The following EPSTI1 variants were observed in gnomAD, a reference collection of about 807,000 sequenced individuals.
EPSTI1 encodes the protein epithelial-stromal interaction protein 1.
In EPSTI1, 66 loss-of-function variants were observed where a neutral mutation model predicts 49.9. The observed-to-expected ratio is 1.32, with a 90% CI of 1.08 to 1.62. EPSTI1 has a LOEUF of 1.62. Ranked by LOEUF, EPSTI1 falls within the 40% of genes most tolerant of loss-of-function variation. The pLI is 0.00. For missense variants in EPSTI1, 394 were observed against 365.5 expected (o/e 1.08, Z -0.64); for synonymous variants, 137 against 130.7 (o/e 1.05, Z -0.33).
chr13:42,904,168 C>T (rs1381231975), intron 8 of EPSTI1, among the ~76,000 whole-genome samples: 1 of 152,138 alleles, frequency 6.6e-6, no homozygotes, highest in Non-Finnish European at 1.5e-5. Context: ...GATTAAAACA[C>T]ACTGATGTGA....
At chr13:42,954,168 T>C in intron 5 of EPSTI1, 147 bp from the exon 6 acceptor site, 1 of 615,006 alleles carries the variant, frequency 1.6e-6, no homozygotes, top group South Asian at 2.3e-5. Flanking sequence ...AAGATGGTAC[T>C]CCCTGTCAGA....
chr13:42,888,398 A>AAAAC lies in EPSTI1; in HGVS notation c.*92_*95dup. The AAAAC allele has an allele frequency of 6.2e-7, 1 of 1,614,178 alleles. No homozygotes were observed. The highest frequency in any genetic ancestry group is 8.5e-7 in the Non-Finnish European group (1 of 1,180,020). ...TGTGTGGGCAGTTGAAATTAAGGTA[A>AAAAC]AAACAGTGAGGCTGAACAAAATCAC... is the stretch of plus-strand genomic sequence containing the variant. On this transcript the variant is annotated 3_prime_UTR_variant, in exon 11 of 11. Transcript: ENST00000313624.
intron 9 of EPSTI1, among the ~76,000 whole-genome samples, chr13:42,896,024 G>T (rs778608198): frequency 2.0e-5 from 3 of 152,160 alleles, no homozygotes; most frequent in Non-Finnish European, 4.4e-5. Flanking sequence ...AGTGACTGTG[G>T]GAGATTAGGG....
At chr13:42,939,547 TAGACAGGGGAATAGCC>T (rs1436996818) in intron 6 of EPSTI1, among the ~76,000 whole-genome samples, 2 of 152,174 alleles carry the variant, frequency 1.3e-5, no homozygotes, top group African/African-American at 4.8e-5. Context: ...GAGAGAGAGA[TAGACAGGGGAATAGCC>T]AGTCAGGGGA....
At chr13:42,889,909 T>C (rs748264339) in intron 10 of EPSTI1, among the ~76,000 whole-genome samples, 4 of 151,928 alleles carry the variant, frequency 2.6e-5, no homozygotes, top group Non-Finnish European at 5.9e-5. Flanking sequence ...TTCCTACTTA[T>C]AAGCTTTAAT....
At chr13:42,914,280 C>T (rs1484335041) in intron 8 of EPSTI1, among the ~76,000 whole-genome samples, 2 of 152,106 alleles carry the variant, frequency 1.3e-5, no homozygotes, top group Non-Finnish European at 2.9e-5. Context: ...AGAGCTGGAA[C>T]CTTGTCTATC....
intron 8 of EPSTI1, among the ~76,000 whole-genome samples, chr13:42,903,726 C>A (rs934936551): frequency 2.0e-5 from 3 of 152,258 alleles, no homozygotes; most frequent in East Asian, 1.9e-4. Flanking sequence ...CAAAACTAGA[C>A]CCTTAATTTC....
At chr13:42,945,382 C>T (rs943006836) in intron 6 of EPSTI1, among the ~76,000 whole-genome samples, 4 of 152,184 alleles carry the variant, frequency 2.6e-5, no homozygotes, top group Non-Finnish European at 5.9e-5. Flanking sequence ...ATTATGGGAG[C>T]TACAATTCAA....
chr13:42,924,015 A>C (rs1570677), intron 7 of EPSTI1, among the ~76,000 whole-genome samples: 130,819 of 152,238 alleles, frequency 0.86, 56,309 homozygotes, highest in African/African-American at 0.9. Context: ...ACATTCTATA[A>C]GTTGACCATA....
chr13:42,955,572 C>T (rs901950130), intron 5 of EPSTI1, among the ~76,000 whole-genome samples: 7 of 152,066 alleles, frequency 4.6e-5, no homozygotes, highest in Non-Finnish European at 8.8e-5. Context: ...GAGGCCGAGG[C>T]GGGCGGATCA....
chr13:42,911,541 A>T (rs1269420738), intron 8 of EPSTI1, among the ~76,000 whole-genome samples: 1 of 152,180 alleles, frequency 6.6e-6, no homozygotes, highest in Non-Finnish European at 1.5e-5. Context: ...TAATTATGTG[A>T]GTCATTAGAG....
intron 6 of EPSTI1, among the ~76,000 whole-genome samples, chr13:42,952,739 C>T (rs2039138493): frequency 1.3e-5 from 2 of 152,184 alleles, no homozygotes; most frequent in Admixed American, 1.3e-4. Flanking sequence ...CATACCATCT[C>T]CCATCTATTT....
chr13:42,974,658 C>CAA (rs61128582), intron 1 of EPSTI1, among the ~76,000 whole-genome samples: 5 of 121,472 alleles, frequency 4.1e-5, no homozygotes, highest in African/African-American at 6.2e-5. Flanking sequence ...GACTCCGTCT[C>CAA]AAAAAAAAAA....
At chr13:42,960,874 T>C (rs1319077921) in intron 5 of EPSTI1, among the ~76,000 whole-genome samples, 1 of 152,172 alleles carries the variant, frequency 6.6e-6, no homozygotes, top group East Asian at 1.9e-4. Context: ...AGGACCTCTG[T>C]GATTATATTG....
intron 1 of EPSTI1, among the ~76,000 whole-genome samples, chr13:42,977,064 T>C (rs1035096379): frequency 1.3e-5 from 2 of 152,222 alleles, no homozygotes; most frequent in African/African-American, 4.8e-5. Context: ...CTATTATAAA[T>C]AATCCTACAG....
intron 1 of EPSTI1, among the ~76,000 whole-genome samples, chr13:42,989,015 G>T (rs906478132): frequency 2.0e-5 from 3 of 146,758 alleles, no homozygotes; most frequent in African/African-American, 7.5e-5. Context: ...ATGTGCCACC[G>T]TGCCCAGATA....
chr13:42,984,849 T>G (rs183556677), intron 1 of EPSTI1, among the ~76,000 whole-genome samples: 1 of 152,210 alleles, frequency 6.6e-6, no homozygotes, highest in African/African-American at 2.4e-5. Context: ...TAGGAAATGT[T>G]TTTCTGGGCC....
At chr13:42,919,454 A>G in intron 7 of EPSTI1, 1 of 854,562 alleles carries the variant, frequency 1.2e-6, no homozygotes, top group Non-Finnish European at 1.9e-6. Context: ...ATTTAATACA[A>G]TACCAATGCT....
chr13:42,911,285 G>A (rs1594633916), intron 8 of EPSTI1, among the ~76,000 whole-genome samples: 1 of 111,530 alleles, frequency 9.0e-6, no homozygotes. Flanking sequence ...GCGCGCACAC[G>A]TGTGTGAGTG....
Sources: gnomAD v4.1 joint callset for allele counts (sites outside exome capture counted in the v4.1 genomes callset) on GRCh38, gnomAD v4.1.1 for gene constraint, MANE v1.5 for transcripts, NCBI Gene and HGNC (gene_info 2026-07-23, HGNC 2026-07-21) for gene names.